Variants in BMP5 observed in about 807,000 individuals in gnomAD.
The protein encoded by BMP5 is bone morphogenetic protein 5.
Under a neutral mutation model 46.6 loss-of-function variants are expected in BMP5, and 23 were observed. The observed-to-expected ratio is 0.49, with a 90% CI of 0.35 to 0.70. BMP5 has a LOEUF of 0.70. Ranked by LOEUF, BMP5 falls within the 30% of genes least tolerant of loss-of-function variation. The pLI is 0.00. For missense variants in BMP5, 545 were observed against 565.6 expected, an observed-to-expected ratio of 0.96 and a Z score of 0.37; for synonymous variants, 204 against 191.9, an observed-to-expected ratio of 1.06 and a Z score of -0.52.
intron 2 of BMP5, among the ~76,000 whole-genome samples, chr6:55,815,133 CA>C (rs35015007): frequency 0.042 from 3,272 of 77,910 alleles, 52 homozygotes; most frequent in African/African-American, 0.086. Flanking sequence ...AACTCCATCT[CA>C]AAAAAAAAAA....
chr6:55,755,594 C>G lies in BMP5; in HGVS notation c.1304G>C (p.Ser435Thr), dbSNP rs768786761. 1.2e-5 allele frequency: 19 copies of G among 1,611,680 alleles called. No individual in the cohort carries two copies. Among genetic ancestry groups the G allele is most frequent in the Admixed American group, 1.7e-5 (1 of 59,780 alleles). ...ATATTTTTTCAAAATGACATTGGAG[C>G]TGTCATCAAAGTACAGAACAGAGAT... ...NAISVLYFDD[S>T]SNVILKKYRN... Residue 435 changes from serine (S) to threonine (T), a missense_variant, in exon 7 of 7, where the codon AGC becomes ACC. By Grantham distance (58) the Ser-to-Thr change is moderately conservative. Transcript: ENST00000370830.
chr6:55,804,722 G>A (rs1359632286), intron 2 of BMP5, among the ~76,000 whole-genome samples: 2 of 152,148 alleles, frequency 1.3e-5, no homozygotes, highest in Non-Finnish European at 2.9e-5. Flanking sequence ...AATTAACTAT[G>A]AGAAAGAGAA....
intron 1 of BMP5, among the ~76,000 whole-genome samples, chr6:55,857,137 A>G (rs1167181149): frequency 2.0e-5 from 3 of 152,174 alleles, no homozygotes; most frequent in Non-Finnish European, 4.4e-5. Flanking sequence ...CTGCTCATGC[A>G]GTCCTGATAT....
At chr6:55,771,858 C>T (rs1775054381) in intron 4 of BMP5, among the ~76,000 whole-genome samples, 1 of 151,860 alleles carries the variant, frequency 6.6e-6, no homozygotes, top group Non-Finnish European at 1.5e-5. Flanking sequence ...AATCTAGTTA[C>T]TATTACAACT....
chr6:55,856,039 G>A (rs191578615), intron 1 of BMP5, among the ~76,000 whole-genome samples: 1 of 151,802 alleles, frequency 6.6e-6, no homozygotes, highest in East Asian at 1.9e-4. Context: ...CTCTTTTGTA[G>A]TCAGTCTTTC....
intron 1 of BMP5, among the ~76,000 whole-genome samples, chr6:55,860,554 A>G (rs1173622017): frequency 6.6e-6 from 1 of 152,168 alleles, no homozygotes; most frequent in Non-Finnish European, 1.5e-5. Flanking sequence ...CAATTGGGCT[A>G]TTGGTAGATT....
chr6:55,819,863 G>T lies in BMP5; in HGVS notation c.491-16C>A, dbSNP rs1467780743. On this transcript the variant is annotated splice_polypyrimidine_tract_variant and intron_variant, in intron 1 of 6. Transcript: ENST00000370830. ...TCTCTTTCAACTGAAAAAATAAAGG[G>T]GGTTGAGGGGGAAAAAAGTTAGTCT... 2.5e-6 allele frequency: 4 copies of T among 1,603,632 alleles called. No homozygotes were observed. The Admixed American group carries it at 6.7e-5, about 27-fold the overall frequency.
rs1334834514 is a variant in BMP5, at chr6:55,839,136, T to A, written c.491-19289A>T. On this transcript the variant is annotated intron_variant, in intron 1 of 6. Coordinates refer to ENST00000370830, the MANE Select transcript of BMP5 (RefSeq NM_021073.4). ...ATCATCTTGTGAGTATGCCATAACA[T>A]ACCTAGATTGCATAAGTCTATTGAT... Among the ~76,000 whole-genome samples, 6 of 152,262 alleles carry A rather than the reference T, an allele frequency of 3.9e-5. No individual in the cohort carries two copies. In the East Asian group the frequency reaches 1.2e-3, roughly 29 times the overall value.
intron 2 of BMP5, among the ~76,000 whole-genome samples, chr6:55,802,046 A>T (rs547780904): frequency 6.6e-6 from 1 of 152,294 alleles, no homozygotes; most frequent in East Asian, 1.9e-4. Context: ...AGCAAGGATG[A>T]CTGTTTCTCT....
intron 2 of BMP5, among the ~76,000 whole-genome samples, chr6:55,796,491 A>AT (rs910619168): frequency 6.6e-6 from 1 of 150,730 alleles, no homozygotes; most frequent in Non-Finnish European, 1.5e-5. Flanking sequence ...TGGAATTTGT[A>AT]TTTTTTTTCT....
intron 4 of BMP5, among the ~76,000 whole-genome samples, chr6:55,764,107 A>G (rs1275698444): frequency 6.6e-6 from 1 of 152,158 alleles, no homozygotes. Flanking sequence ...CAATCTCACC[A>G]CTGGGTATAT....
chr6:55,818,682 C>T (rs1562053293), intron 2 of BMP5, among the ~76,000 whole-genome samples: 1 of 152,098 alleles, frequency 6.6e-6, no homozygotes. Flanking sequence ...TTGCAAGGCA[C>T]TATTGCGAAA....
chr6:55,868,263 G>A (rs996792470), intron 1 of BMP5, among the ~76,000 whole-genome samples: 3 of 152,078 alleles, frequency 2.0e-5, no homozygotes, highest in Non-Finnish European at 4.4e-5. Flanking sequence ...CAGGAAACCT[G>A]TTTAACAAGA....
intron 2 of BMP5, among the ~76,000 whole-genome samples, chr6:55,795,792 T>C (rs1775697436): frequency 6.6e-6 from 1 of 152,212 alleles, no homozygotes; most frequent in South Asian, 2.1e-4. Flanking sequence ...ATTACAGTCA[T>C]AGTGTTTACC....
chr6:55,825,517 C>G (rs1223574087), intron 1 of BMP5, among the ~76,000 whole-genome samples: 1 of 151,774 alleles, frequency 6.6e-6, no homozygotes, highest in Non-Finnish European at 1.5e-5. Flanking sequence ...TGTCAAAGTT[C>G]TGCAAAGGTT....
Position 55,874,783 on chromosome 6 carries a change from C to T in BMP5, c.83G>A (p.Gly28Asp), listed in dbSNP as rs1777870564. ...CWVLVGYAKG[G>D]LGDNHVHSSF... Reference sequence around the variant, plus strand: ...GGAGTGAACATGATTGTCTCCCAAACCTCCTTTTGCATAACCCACTAGAAC... The same window carrying T: ...GGAGTGAACATGATTGTCTCCCAAATCTCCTTTTGCATAACCCACTAGAAC... The change falls in exon 1 of 7, where the codon GGT becomes GAT. Residue 28 changes from glycine to aspartate, a missense_variant. Physicochemically the swap from Gly to Asp is moderately conservative, Grantham distance 94. Coordinates refer to ENST00000370830, the MANE Select transcript of BMP5 (RefSeq NM_021073.4). The T allele has an allele frequency of 6.2e-7, 1 of 1,613,410 alleles. No individual in the cohort carries two copies. Among genetic ancestry groups the T allele is most frequent in the Non-Finnish European group, 8.5e-7 (1 of 1,179,626 alleles).
intron 2 of BMP5, among the ~76,000 whole-genome samples, chr6:55,806,826 T>C (rs757848377): frequency 6.6e-6 from 1 of 152,160 alleles, no homozygotes; most frequent in Non-Finnish European, 1.5e-5. Flanking sequence ...ATTCTCTTTG[T>C]AGCAATTGTG....
At chr6:55,825,113 G>A (rs1269320635) in intron 1 of BMP5, among the ~76,000 whole-genome samples, 1 of 151,620 alleles carries the variant, frequency 6.6e-6, no homozygotes, top group East Asian at 1.9e-4. Flanking sequence ...ATTAAAACAA[G>A]TTGCTTTCCT....
intron 1 of BMP5, among the ~76,000 whole-genome samples, chr6:55,873,243 A>C (rs183903580): frequency 1.4e-4 from 22 of 152,086 alleles, no homozygotes; most frequent in Admixed American, 1.4e-3. Flanking sequence ...TTACATGAGG[A>C]AGTTTTTAAT....
Sources: gnomAD v4.1 joint callset for allele counts (sites outside exome capture counted in the v4.1 genomes callset) on GRCh38, gnomAD v4.1.1 for gene constraint, MANE v1.5 for transcripts, NCBI Gene and HGNC (gene_info 2026-07-23, HGNC 2026-07-21) for gene names.